Variants in ADAMTS17 observed in about 807,000 individuals in gnomAD.
ADAMTS17 encodes the protein ADAM metallopeptidase with thrombospondin type 1 motif 17.
Under a neutral mutation model 141.5 loss-of-function variants are expected in ADAMTS17, and 113 were observed. That is an observed-to-expected ratio of 0.80 (90% CI 0.69 to 0.93). ADAMTS17 has a LOEUF of 0.93. Among genes scored for constraint, ADAMTS17 ranks in the 40% least tolerant of loss-of-function variants. The pLI, the probability that ADAMTS17 is intolerant of heterozygous loss-of-function variation, is 0.00. For missense variants in ADAMTS17, 1,659 were observed against 1,517.9 expected, an observed-to-expected ratio of 1.09 and a Z score of -1.54; for synonymous variants, 768 against 630.6, an observed-to-expected ratio of 1.22 and a Z score of -3.27.
At chr15:100,258,556 G>A (rs1367055679) in intron 6 of ADAMTS17, among the ~76,000 whole-genome samples, 3 of 152,150 alleles carry the variant, frequency 2.0e-5, no homozygotes, top group African/African-American at 7.2e-5. Flanking sequence ...AGCAGGCAGG[G>A]GAAGAGAGCT....
chr15:100,183,622 T>C (rs1188382811), intron 8 of ADAMTS17, among the ~76,000 whole-genome samples: 1 of 152,252 alleles, frequency 6.6e-6, no homozygotes, highest in Non-Finnish European at 1.5e-5. Flanking sequence ...CATTTGTCAC[T>C]GGTGCCAGCT....
intron 7 of ADAMTS17, among the ~76,000 whole-genome samples, chr15:100,228,436 C>G (rs2042375783): frequency 6.6e-6 from 1 of 152,148 alleles, no homozygotes; most frequent in South Asian, 2.1e-4. Context: ...TACGCAAAGC[C>G]TGACAGGTAC....
At position 100,051,564 on chromosome 15, in the gene ADAMTS17, C is replaced by A. The variant is rs996886590; in HGVS notation, c.2455+8G>T. Reference sequence around the variant, plus strand: ...ACACCCAACAGGTCATGGACCACGGCCACTCACCTCCGCCGCACTGCACAC... The same window carrying A: ...ACACCCAACAGGTCATGGACCACGGACACTCACCTCCGCCGCACTGCACAC... On this transcript the variant is annotated splice_region_variant and intron_variant, in intron 17 of 21. Transcript: ENST00000268070. 3 of 1,612,962 alleles carry A rather than the reference C, an allele frequency of 1.9e-6. No individual in the cohort carries two copies. The highest frequency in any genetic ancestry group is 2.7e-5 in the African/African-American group (2 of 74,886).
intron 18 of ADAMTS17, among the ~76,000 whole-genome samples, chr15:100,021,020 C>T (rs1442759143): frequency 1.3e-5 from 2 of 152,190 alleles, no homozygotes; most frequent in Non-Finnish European, 2.9e-5. Context: ...TAGCTTGGCT[C>T]TTTCCTTGGT....
chr15:100,249,999 G>A (rs1441030143), intron 7 of ADAMTS17, among the ~76,000 whole-genome samples: 1 of 152,204 alleles, frequency 6.6e-6, no homozygotes, highest in African/African-American at 2.4e-5. Flanking sequence ...CTGCACAGCT[G>A]TGTGGAAGTA....
intron 8 of ADAMTS17, among the ~76,000 whole-genome samples, chr15:100,195,150 T>C (rs1000993751): frequency 6.6e-6 from 1 of 152,178 alleles, no homozygotes; most frequent in Non-Finnish European, 1.5e-5. Context: ...TTTAGGAGCC[T>C]CCAGGCTGTT....
intron 8 of ADAMTS17, among the ~76,000 whole-genome samples, chr15:100,172,432 T>G (rs766710433): frequency 4.6e-5 from 7 of 152,186 alleles, no homozygotes; most frequent in Non-Finnish European, 7.3e-5. Context: ...GTAAACAAAA[T>G]TTTCCACCAG....
chr15:100,150,371 G>C (rs1420608716), intron 10 of ADAMTS17, among the ~76,000 whole-genome samples: 2 of 152,160 alleles, frequency 1.3e-5, no homozygotes, highest in Non-Finnish European at 2.9e-5. Context: ...CTCAGTAACA[G>C]ATACCCCTGG....
At chr15:100,039,729 A>G (rs1278680758) in intron 18 of ADAMTS17, among the ~76,000 whole-genome samples, 2 of 152,172 alleles carry the variant, frequency 1.3e-5, no homozygotes, top group South Asian at 2.1e-4. Flanking sequence ...TTTTATAGAT[A>G]TCTATTGGGT....
intron 8 of ADAMTS17, among the ~76,000 whole-genome samples, chr15:100,156,408 G>A (rs938042447): frequency 6.6e-6 from 1 of 152,184 alleles, no homozygotes; most frequent in Non-Finnish European, 1.5e-5. Flanking sequence ...CTCCCACGTG[G>A]AGTTGGATCA....
At chr15:100,197,788 T>C (rs2041176739) in intron 8 of ADAMTS17, among the ~76,000 whole-genome samples, 1 of 152,002 alleles carries the variant, frequency 6.6e-6, no homozygotes, top group South Asian at 2.1e-4. Context: ...TCTACAGGAA[T>C]GGAAGAAATT....
intron 18 of ADAMTS17, among the ~76,000 whole-genome samples, chr15:100,008,023 G>T (rs986851893): frequency 6.6e-6 from 1 of 152,146 alleles, no homozygotes; most frequent in Non-Finnish European, 1.5e-5. Context: ...CTGTAGTGCT[G>T]GGGCCTGAAA....
chr15:100,037,226 C>G (rs1023344115), intron 18 of ADAMTS17, among the ~76,000 whole-genome samples: 9 of 152,300 alleles, frequency 5.9e-5, no homozygotes, highest in African/African-American at 2.2e-4. Context: ...TTGTTATCAT[C>G]TGTCTTTTCG....
intron 15 of ADAMTS17, among the ~76,000 whole-genome samples, chr15:100,070,542 C>T (rs1423123846): frequency 1.3e-5 from 2 of 150,152 alleles, no homozygotes; most frequent in Non-Finnish European, 3.0e-5. Context: ...AACAAACTGT[C>T]TCTCAGACCA....
At chr15:100,087,771 T>A (rs1188927868) in intron 15 of ADAMTS17, among the ~76,000 whole-genome samples, 1 of 152,196 alleles carries the variant, frequency 6.6e-6, no homozygotes, top group Admixed American at 6.5e-5. Context: ...AGAAAAGGCC[T>A]CTGACAAAAT....
intron 8 of ADAMTS17, among the ~76,000 whole-genome samples, chr15:100,178,982 T>C (rs1036371579): frequency 2.8e-4 from 43 of 152,296 alleles, no homozygotes; most frequent in African/African-American, 9.9e-4. Context: ...TGTGGGTACA[T>C]AGTAGCTGTA....
At chr15:100,194,273 G>A (rs1348435304) in intron 8 of ADAMTS17, among the ~76,000 whole-genome samples, 1 of 152,062 alleles carries the variant, frequency 6.6e-6, no homozygotes, top group Non-Finnish European at 1.5e-5. Flanking sequence ...AACGACTAGT[G>A]GACACTTGGT....
chr15:100,220,701 C>T (rs1215586578), intron 7 of ADAMTS17, among the ~76,000 whole-genome samples: 1 of 152,140 alleles, frequency 6.6e-6, no homozygotes, highest in Non-Finnish European at 1.5e-5. Flanking sequence ...CCCCTGGCAC[C>T]CACTAATCTA....
chr15:100,273,565 T>C (rs1158460445), intron 4 of ADAMTS17, among the ~76,000 whole-genome samples: 1 of 152,166 alleles, frequency 6.6e-6, no homozygotes, highest in Non-Finnish European at 1.5e-5. Context: ...TTTGTGTTAT[T>C]AGTAATTTGA....
Sources: gnomAD v4.1 joint callset for allele counts (sites outside exome capture counted in the v4.1 genomes callset) on GRCh38, gnomAD v4.1.1 for gene constraint, MANE v1.5 for transcripts, NCBI Gene and HGNC (gene_info 2026-07-23, HGNC 2026-07-21) for gene names.